IL4R: variants seen among roughly 807,000 people sequenced by gnomAD.
The protein encoded by IL4R is interleukin-4 receptor subunit alpha.
In IL4R, 17 loss-of-function variants were observed where a neutral mutation model predicts 41.5. That is an observed-to-expected ratio of 0.41 (90% CI 0.28 to 0.61). The LOEUF (loss-of-function observed/expected upper bound fraction) is 0.61, where lower values mean the gene tolerates loss of function less well. Among genes scored for constraint, IL4R ranks in the 20% least tolerant of loss-of-function variants. The pLI, the probability that IL4R is intolerant of heterozygous loss-of-function variation, is 0.31. For missense variants in IL4R, 974 were observed against 1,043.1 expected (o/e 0.93, Z 0.91); for synonymous variants, 402 against 422.9 (o/e 0.95, Z 0.61).
intron 2 of IL4R, among the ~76,000 whole-genome samples, chr16:27,333,498 G>C (rs1183984907): frequency 6.6e-6 from 1 of 152,066 alleles, no homozygotes; most frequent in Admixed American, 6.6e-5. Flanking sequence ...TACCAGCTGT[G>C]GGACCTGGTG....
intron 1 of IL4R, chr16:27,314,259 G>C: frequency 2.7e-6 from 1 of 367,496 alleles, no homozygotes; most frequent in Non-Finnish European, 3.8e-6. Flanking sequence ...GCTCCCCAAA[G>C]CCGGTGCTGG....
chr16:27,352,111 C>G (rs1191536241), intron 6 of IL4R, among the ~76,000 whole-genome samples: 1 of 152,176 alleles, frequency 6.6e-6, no homozygotes, highest in African/African-American at 2.4e-5. Flanking sequence ...CGTATATTAA[C>G]CCATTTCCTT....
Position 27,340,536 on chromosome 16 carries a change from A to T in IL4R, c.70+263A>T, listed in dbSNP as rs532397215. Among the ~76,000 whole-genome samples the T allele has an allele frequency of 3.9e-5, 6 of 152,168 alleles. No individual in the cohort carries two copies. The East Asian group carries it at 1.2e-3, about 29-fold the overall frequency. On this transcript the variant is annotated intron_variant, in intron 3 of 10. Transcript: ENST00000395762. ...CCAGGAGTTCGAGGTCAGCTTGGGC[A>T]ACATAGGGAGACCTTGTCTCTACAA...
chr16:27,315,816 C>T (rs1234269286), intron 1 of IL4R, among the ~76,000 whole-genome samples: 1 of 152,116 alleles, frequency 6.6e-6, no homozygotes, highest in Non-Finnish European at 1.5e-5. Flanking sequence ...TGGGCCCCAC[C>T]CTGGGCCTCT....
chr16:27,333,169 A>G (rs1410197639), intron 2 of IL4R, among the ~76,000 whole-genome samples: 2 of 150,094 alleles, frequency 1.3e-5, no homozygotes, highest in East Asian at 3.9e-4. Context: ...CTATAAATGG[A>G]TACCTCTGTT....
chr16:27,352,567 G>A lies in IL4R; in HGVS notation c.541G>A (p.Glu181Lys). ...CAGAATCTATAACGTGACCTACCTAGAACCCTCCCTCCGCATCGCAGCCAG... is the reference window on the plus strand; with the variant it reads ...CAGAATCTATAACGTGACCTACCTAAAACCCTCCCTCCGCATCGCAGCCAG... ...DFRIYNVTYL[E>K]PSLRIAASTL... Residue 181 changes from glutamate to lysine, a missense_variant, in exon 7 of 11, where the codon GAA (glutamate) becomes AAA (lysine). By Grantham distance (56) the Glu-to-Lys change is moderately conservative (BLOSUM62 1). Around this residue, in one of 3 missense-constraint regions of IL4R, gnomAD observed 284 missense variants for 313.4 expected, o/e 0.91. Transcript: ENST00000395762. The A allele has an allele frequency of 6.2e-7, 1 of 1,614,156 alleles. No homozygotes were observed.
chr16:27,330,794 T>C (rs1273970998), intron 2 of IL4R, among the ~76,000 whole-genome samples: 1 of 152,000 alleles, frequency 6.6e-6, no homozygotes, highest in Non-Finnish European at 1.5e-5. Context: ...ATAAATGGAG[T>C]CACGGGGTGT....
intron 1 of IL4R, among the ~76,000 whole-genome samples, chr16:27,324,242 C>T (rs548049459): frequency 2.0e-4 from 30 of 151,266 alleles, no homozygotes; most frequent in African/African-American, 6.8e-4. Context: ...GAGTGATAGT[C>T]GATAACCAGC....
At position 27,363,111 on chromosome 16, in the gene IL4R, A is replaced by T. The variant is rs554333671; in HGVS notation, c.1759A>T (p.Thr587Ser). The change falls in exon 11 of 11, where the codon ACC (threonine) becomes TCC (serine). Residue 587 changes from threonine (T) to serine (S), a missense_variant. Physicochemically the swap from Thr to Ser is moderately conservative, Grantham distance 58 (BLOSUM62 1). This residue lies in a region of IL4R where 682 missense variants were observed against 704.3 expected (regional missense o/e 0.97). Transcript: ENST00000395762. ...EFVHAVEQGG[T>S]QASAVVGLGP... is the part of the protein sequence containing the mutation. ...TGTACATGCGGTGGAGCAGGGTGGC[A>T]CCCAGGCCAGTGCGGTGGTGGGCTT... is the stretch of plus-strand genomic sequence containing the variant. 8.1e-6 allele frequency: 13 copies of T among 1,614,022 alleles called. No individual in the cohort carries two copies. The African/African-American group carries it at 1.6e-4, about 20-fold the overall frequency.
intron 8 of IL4R, among the ~76,000 whole-genome samples, chr16:27,356,341 T>A (rs1368436685): frequency 3.3e-5 from 5 of 152,152 alleles, no homozygotes; most frequent in African/African-American, 1.2e-4. Context: ...TCTGCCTGCC[T>A]CAGCCTCCCA....
chr16:27,340,231 T>A lies in IL4R; in HGVS notation c.28T>A (p.Phe10Ile), dbSNP rs140214944. Residue 10 changes from phenylalanine (F) to isoleucine (I), a missense_variant, in exon 3 of 11, where the codon TTC becomes ATC. Physicochemically the swap from Phe to Ile is conservative, Grantham distance 21. Coordinates refer to ENST00000395762, the MANE Select transcript of IL4R (RefSeq NM_000418.4). MGWLCSGLL[F>I]PVSCLVLLQV... Reference sequence around the variant, plus strand: ...GGGGTGGCTTTGCTCTGGGCTCCTGTTCCCTGTGAGCTGCCTGGTCCTGCT... The same window carrying A: ...GGGGTGGCTTTGCTCTGGGCTCCTGATCCCTGTGAGCTGCCTGGTCCTGCT... 2.2e-5 allele frequency: 36 copies of A among 1,613,976 alleles called. No individual in the cohort carries two copies. The highest frequency in any genetic ancestry group is 3.1e-5 in the Non-Finnish European group (36 of 1,179,952).
At chr16:27,331,618 A>G (rs1361768559) in intron 2 of IL4R, among the ~76,000 whole-genome samples, 2 of 152,046 alleles carry the variant, frequency 1.3e-5, no homozygotes, top group African/African-American at 2.4e-5. Context: ...GGTTGTTGTC[A>G]TACATGACAG....
rs1290839339 is a variant in IL4R at position 27,346,000 on chromosome 16, A to C, written c.362-467A>C. 6.6e-6 allele frequency among the ~76,000 whole-genome samples: 1 copy of C among 152,056 alleles called. No individual in the cohort carries two copies. Among genetic ancestry groups the C allele is most frequent in the African/African-American group, 2.4e-5 (1 of 41,380 alleles). Reference sequence around the variant, plus strand: ...AAAATAAAAATAAATAAAAATAAAAAGATTTTTTAAAAGGCTGAAGTTTGG... The same window carrying C: ...AAAATAAAAATAAATAAAAATAAAACGATTTTTTAAAAGGCTGAAGTTTGG... On this transcript the variant is annotated intron_variant, in intron 5 of 10. Transcript: ENST00000395762. The surrounding 1 kb of genome is among the most constrained non-coding windows in gnomAD (Gnocchi z 4.5).
intron 7 of IL4R, chr16:27,355,541 G>A: frequency 2.4e-6 from 1 of 424,206 alleles, no homozygotes; most frequent in Non-Finnish European, 4.4e-6. Context: ...TTTGACTTCT[G>A]TGCTTCCGGA....
chr16:27,313,797 G>T, upstream of IL4R: 2 of 528,472 alleles, frequency 3.8e-6, no homozygotes, highest in Non-Finnish European at 4.9e-6. Context: ...GCGGCGGCGG[G>T]GACAGCGACA....
intron 1 of IL4R, among the ~76,000 whole-genome samples, chr16:27,324,191 A>G (rs534164145): frequency 1.3e-5 from 2 of 152,238 alleles, no homozygotes; most frequent in Admixed American, 1.3e-4. Context: ...TCTAATCAGC[A>G]CCCTGGCGCC....
intron 1 of IL4R, chr16:27,315,590 CAGGTAGAGGATGGG>C (rs2141040693): frequency 6.5e-6 from 1 of 153,064 alleles, no homozygotes; most frequent in Non-Finnish European, 1.5e-5. Context: ...GGGAGTCTGG[CAGGTAGAGGATGGG>C]AGGTAAAGGG....
Position 27,360,781 on chromosome 16 carries a change from A to G in IL4R, c.865A>G (p.Lys289Glu), listed in dbSNP as rs780758274. The G allele has an allele frequency of 6.8e-6, 11 of 1,614,032 alleles. No homozygotes were observed. The African/African-American group carries it at 1.3e-4, about 20-fold the overall frequency. The change falls in exon 10 of 11, where the codon AAG (lysine) becomes GAG (glutamate). Residue 289 changes from lysine to glutamate, a missense_variant. Transcript: ENST00000395762. ...IQDAQGSQWE[K>E]RSRGQEPAKC... ...TGTATTTTAGGGGTCACAGTGGGAG[A>G]AGCGGTCCCGAGGCCAGGAACCAGC... is the stretch of plus-strand genomic sequence containing the variant.
Position 27,352,573 on chromosome 16 carries a change from T to G in IL4R, c.547T>G (p.Ser183Ala). 1 of 1,614,100 alleles carries G rather than the reference T, an allele frequency of 6.2e-7. No individual in the cohort carries two copies. The highest frequency in any genetic ancestry group is 8.5e-7 in the Non-Finnish European group (1 of 1,180,000). ...RIYNVTYLEPSLRIAASTLKS... is the reference protein window; with the variant it reads ...RIYNVTYLEPALRIAASTLKS... ...CTATAACGTGACCTACCTAGAACCC[T>G]CCCTCCGCATCGCAGCCAGCACCCT... Residue 183 changes from serine (S) to alanine (A), a missense_variant, in exon 7 of 11, where the codon TCC becomes GCC. Physicochemically the swap from Ser to Ala is moderately conservative, Grantham distance 99. This residue lies in a region of IL4R where 284 missense variants were observed against 313.4 expected (regional missense o/e 0.91). Transcript: ENST00000395762.
Sources: gnomAD v4.1 joint callset for allele counts (sites outside exome capture counted in the v4.1 genomes callset) on GRCh38, gnomAD v4.1.1 for gene constraint, gnomAD v4.1.1 regional missense constraint, Gnocchi (gnomAD v3.1) non-coding constraint, MANE v1.5 for transcripts, NCBI Gene and HGNC (gene_info 2026-07-23, HGNC 2026-07-21) for gene names.